Variants in ANKRD44 observed in about 807,000 individuals in gnomAD.
ANKRD44 encodes ankyrin repeat domain 44, also known as serine/threonine-protein phosphatase 6 regulatory ankyrin repeat subunit B.
ANKRD44 carries 35 observed loss-of-function variants against 116.0 expected under a neutral mutation model. That is an observed-to-expected ratio of 0.30 (90% CI 0.23 to 0.40). The LOEUF is 0.40. ANKRD44 is among the 10% of genes least tolerant of loss of function. The pLI, the probability that ANKRD44 is intolerant of heterozygous loss-of-function variation, is 1.00. For synonymous variants in ANKRD44, 435 were observed against 461.8 expected (o/e 0.94, Z 0.74); for missense variants, 1,014 against 1,242.6 (o/e 0.82, Z 2.77).
At chr2:197,117,322 C>T (rs2078735720) in intron 8 of ANKRD44, among the ~76,000 whole-genome samples, 1 of 152,154 alleles carries the variant, frequency 6.6e-6, no homozygotes, top group Non-Finnish European at 1.5e-5. Flanking sequence ...TCACTGCAAC[C>T]TACGCCTCTC....
chr2:197,207,533 T>C (rs954249363), intron 1 of ANKRD44, among the ~76,000 whole-genome samples: 1 of 152,124 alleles, frequency 6.6e-6, no homozygotes. Flanking sequence ...TATTAGAAAA[T>C]GAAAATGTTC....
chr2:197,282,819 A>G (rs1297779940), intron 1 of ANKRD44, among the ~76,000 whole-genome samples: 1 of 152,170 alleles, frequency 6.6e-6, no homozygotes, highest in Non-Finnish European at 1.5e-5. Context: ...ATTGGCCAGC[A>G]TAATGACATG....
At chr2:197,220,311 G>T (rs1034666266) in intron 1 of ANKRD44, among the ~76,000 whole-genome samples, 104 of 152,124 alleles carry the variant, frequency 6.8e-4, no homozygotes, top group Non-Finnish European at 1.3e-3. Context: ...ATTCTACAGT[G>T]TTATGATCCA....
At chr2:196,968,328 A>C (rs1163737294) in intron 21 of ANKRD44, among the ~76,000 whole-genome samples, 1 of 152,214 alleles carries the variant, frequency 6.6e-6, no homozygotes, top group Non-Finnish European at 1.5e-5. Flanking sequence ...GGCCATTGGC[A>C]GGGAGAGTGT....
intron 17 of ANKRD44, among the ~76,000 whole-genome samples, chr2:197,022,810 G>A (rs1294571954): frequency 1.3e-5 from 2 of 152,088 alleles, no homozygotes; most frequent in Non-Finnish European, 2.9e-5. Context: ...ACCAGCCTGG[G>A]CAACACAGTG....
intron 1 of ANKRD44, among the ~76,000 whole-genome samples, chr2:197,243,003 G>A (rs1190032714): frequency 6.6e-6 from 1 of 152,200 alleles, no homozygotes; most frequent in East Asian, 1.9e-4. Flanking sequence ...TAATCGCTTA[G>A]GAAAATTATG....
At chr2:197,034,065 A>AGAGAGAGAGAGT (rs1553490996) in intron 16 of ANKRD44, among the ~76,000 whole-genome samples, 3 of 151,600 alleles carry the variant, frequency 2.0e-5, no homozygotes, top group Non-Finnish European at 4.4e-5. Context: ...AGAGAGAGAG[A>AGAGAGAGAGAGT]GAGAGAGAGA....
At chr2:197,027,854 T>A (rs188695018) in intron 16 of ANKRD44, among the ~76,000 whole-genome samples, 3 of 151,684 alleles carry the variant, frequency 2.0e-5, no homozygotes, top group African/African-American at 4.8e-5. Context: ...GGCTAACTTT[T>A]AAAAAAAATT....
intron 2 of ANKRD44, among the ~76,000 whole-genome samples, chr2:197,167,728 G>A (rs144311179): frequency 4.6e-5 from 7 of 152,276 alleles, no homozygotes; most frequent in East Asian, 3.9e-4. Context: ...TTCACCTCCC[G>A]TGGCTGGGCA....
At chr2:196,974,509 T>C (rs1047023042) in intron 21 of ANKRD44, among the ~76,000 whole-genome samples, 11 of 152,090 alleles carry the variant, frequency 7.2e-5, no homozygotes, top group African/African-American at 2.4e-4. Context: ...ACTAAAGCAA[T>C]GCTAGGAGGA....
intron 1 of ANKRD44, among the ~76,000 whole-genome samples, chr2:197,259,611 G>A (rs1380014944): frequency 3.3e-5 from 5 of 151,936 alleles, no homozygotes; most frequent in Admixed American, 2.0e-4. Context: ...TTAAACTGTC[G>A]TCCTCCAACT....
intron 16 of ANKRD44, among the ~76,000 whole-genome samples, chr2:197,059,781 C>T (rs1332711763): frequency 6.6e-6 from 1 of 152,212 alleles, no homozygotes; most frequent in Non-Finnish European, 1.5e-5. Context: ...AACTTTTCCA[C>T]TTAGTGGCTG....
At chr2:197,048,830 A>G (rs1400463558) in intron 16 of ANKRD44, among the ~76,000 whole-genome samples, 1 of 152,154 alleles carries the variant, frequency 6.6e-6, no homozygotes, top group Non-Finnish European at 1.5e-5. Context: ...ATTTCTCCAC[A>G]TCCTCTCCAG....
downstream of ANKRD44, among the ~76,000 whole-genome samples, chr2:196,986,489 T>C (rs1356532479): frequency 2.6e-5 from 4 of 152,184 alleles, no homozygotes; most frequent in African/African-American, 4.8e-5. Flanking sequence ...CACAAGCATA[T>C]ATGTTTGAAT....
intron 2 of ANKRD44, among the ~76,000 whole-genome samples, chr2:197,165,319 A>G (rs961335477): frequency 3.3e-5 from 5 of 152,224 alleles, no homozygotes; most frequent in African/African-American, 1.2e-4. Context: ...GATCAGAGGA[A>G]CAAAATGGAA....
At chr2:197,047,024 C>CTTT (rs11431937) in intron 16 of ANKRD44, among the ~76,000 whole-genome samples, 16 of 148,800 alleles carry the variant, frequency 1.1e-4, no homozygotes, top group African/African-American at 3.0e-4. Flanking sequence ...AACAGAATTA[C>CTTT]TTTTTTTTTT....
At chr2:197,234,736 AG>A (rs1285464397) in intron 1 of ANKRD44, among the ~76,000 whole-genome samples, 4 of 152,196 alleles carry the variant, frequency 2.6e-5, no homozygotes, top group Admixed American at 2.6e-4. Flanking sequence ...TTTTAAAGTT[AG>A]GTTGCTAATA....
chr2:197,216,813 G>C (rs2125712665), intron 1 of ANKRD44, among the ~76,000 whole-genome samples: 1 of 150,670 alleles, frequency 6.6e-6, no homozygotes, highest in African/African-American at 2.4e-5. Context: ...TTTATGCCAT[G>C]AAATCTAAGG....
chr2:197,098,961 T>C (rs1208131249), intron 10 of ANKRD44, among the ~76,000 whole-genome samples: 2 of 152,086 alleles, frequency 1.3e-5, no homozygotes, highest in East Asian at 1.9e-4. Flanking sequence ...CATCACATTC[T>C]CTACTCTGTC....
Sources: allele counts gnomAD v4.1 joint callset (sites outside exome capture counted in the v4.1 genomes callset), GRCh38; gene constraint gnomAD v4.1.1; transcripts MANE v1.5; gene names NCBI Gene and HGNC (gene_info 2026-07-23, HGNC 2026-07-21).